Variants in VWA8 observed in about 807,000 individuals in gnomAD.
VWA8 encodes the protein von Willebrand factor A domain containing 8, also known as von Willebrand factor A domain-containing protein 8.
VWA8 carries 221 observed loss-of-function variants against 241.5 expected under a neutral mutation model. The observed-to-expected ratio is 0.91, with a 90% CI of 0.82 to 1.02. The LOEUF is 1.02. VWA8 is among the 50% of genes least tolerant of loss of function. VWA8 has a pLI of 0.00. For missense variants in VWA8, 2,322 were observed against 2,328.7 expected (o/e 1.00, Z 0.06); for synonymous variants, 852 against 827.1 (o/e 1.03, Z -0.52).
intron 4 of VWA8, among the ~76,000 whole-genome samples, chr13:41,895,520 T>C (rs1321928216): frequency 6.6e-6 from 1 of 152,148 alleles, no homozygotes; most frequent in African/African-American, 2.4e-5. Flanking sequence ...GCATACATGG[T>C]CATACAGCAG....
At chr13:41,749,988 C>T (rs979471484) in intron 21 of VWA8, among the ~76,000 whole-genome samples, 5 of 151,582 alleles carry the variant, frequency 3.3e-5, no homozygotes, top group South Asian at 2.1e-4. Context: ...CAAACCTGCG[C>T]GTTGTGCACA....
At chr13:41,932,060 G>A (rs568939932) in intron 2 of VWA8, among the ~76,000 whole-genome samples, 1 of 152,054 alleles carries the variant, frequency 6.6e-6, no homozygotes, top group Non-Finnish European at 1.5e-5. Context: ...CAAACCTCTG[G>A]TCAGACTATT....
intron 37 of VWA8, among the ~76,000 whole-genome samples, chr13:41,640,462 C>T (rs1044077049): frequency 1.3e-5 from 2 of 150,658 alleles, no homozygotes; most frequent in Non-Finnish European, 2.9e-5. Context: ...ATGTTTTAAG[C>T]CTCAAAGATG....
rs148151243 is a variant in VWA8 at position 41,798,548 on chromosome 13, C to T, written c.2064-11005G>A. Among the ~76,000 whole-genome samples, 55 of 152,206 alleles carry T rather than the reference C, an allele frequency of 3.6e-4. No homozygotes were observed. In the East Asian group the frequency reaches 9.8e-3, roughly 27 times the overall value. On this transcript the variant is annotated intron_variant, in intron 17 of 44. Transcript: ENST00000379310. ...ATATTTTTTCTCTTGTATCTTTTTC[C>T]GTTATAAGTTTTTCTCTTTGTCTTT...
At chr13:41,875,450 T>C (rs1345082738) in intron 9 of VWA8, among the ~76,000 whole-genome samples, 1 of 152,064 alleles carries the variant, frequency 6.6e-6, no homozygotes, top group East Asian at 1.9e-4. Flanking sequence ...TTAAGTGATC[T>C]ATCATCTTTT....
intron 1 of VWA8, 95 bp downstream of exon 1, chr13:41,960,758 C>A: frequency 2.8e-6 from 4 of 1,404,740 alleles, no homozygotes; most frequent in Non-Finnish European, 3.7e-6. Context: ...TCCTTCCAAG[C>A]GCAGCGAAGC....
intron 37 of VWA8, among the ~76,000 whole-genome samples, chr13:41,636,329 G>A (rs1399246058): frequency 6.6e-6 from 1 of 152,164 alleles, no homozygotes; most frequent in Non-Finnish European, 1.5e-5. Context: ...AATGGGGAAA[G>A]GATTCCCTAT....
intron 2 of VWA8, chr13:41,926,621 C>A (rs887116410): frequency 2.7e-5 from 15 of 545,748 alleles, no homozygotes; most frequent in Non-Finnish European, 4.5e-5. Context: ...TGCAGACTAC[C>A]ACAATCTCTT....
At chr13:41,805,382 A>C (rs956133301) in intron 17 of VWA8, among the ~76,000 whole-genome samples, 1 of 152,242 alleles carries the variant, frequency 6.6e-6, no homozygotes, top group Non-Finnish European at 1.5e-5. Flanking sequence ...AATTTTAAAT[A>C]TATATGCACC....
chr13:41,768,720 A>G (rs2045796775), intron 20 of VWA8, among the ~76,000 whole-genome samples: 1 of 152,150 alleles, frequency 6.6e-6, no homozygotes. Context: ...AAGTTCATCA[A>G]TATTGGTATA....
chr13:41,891,768 C>A lies in VWA8; in HGVS notation c.484-181G>T, dbSNP rs543432424. Among the ~76,000 whole-genome samples, 4 of 152,198 alleles carry A rather than the reference C, an allele frequency of 2.6e-5. No individual in the cohort carries two copies. In the East Asian group the frequency reaches 7.7e-4, roughly 29 times the overall value. On this transcript the variant is annotated intron_variant, in intron 4 of 44. Coordinates refer to ENST00000379310, the MANE Select transcript of VWA8 (RefSeq NM_015058.2). ...TATGATCTTAGGAAAGTGATTTTAC[C>A]TCTTTGGGCCTGTTTATTCGTTTGT...
chr13:41,658,665 C>CTA (rs774023507), intron 37 of VWA8, among the ~76,000 whole-genome samples: 2 of 152,250 alleles, frequency 1.3e-5, no homozygotes, highest in Non-Finnish European at 2.9e-5. Flanking sequence ...CACACCTGGT[C>CTA]ATTACCTCAG....
intron 2 of VWA8, among the ~76,000 whole-genome samples, chr13:41,914,518 C>T (rs1197963589): frequency 6.6e-6 from 1 of 152,134 alleles, no homozygotes; most frequent in African/African-American, 2.4e-5. Context: ...ACAAGTCAGC[C>T]TCCTTGCTGT....
At chr13:41,681,286 A>G (rs1593693682) in intron 35 of VWA8, among the ~76,000 whole-genome samples, 1 of 152,118 alleles carries the variant, frequency 6.6e-6, no homozygotes, top group Non-Finnish European at 1.5e-5. Flanking sequence ...GTTGAGCCCC[A>G]TCTCTTTCCC....
At chr13:41,694,587 T>G (rs2045202717) in intron 29 of VWA8, among the ~76,000 whole-genome samples, 1 of 152,102 alleles carries the variant, frequency 6.6e-6, no homozygotes, top group Admixed American at 6.6e-5. Context: ...TTATAATCTC[T>G]ATTCTAGATT....
intron 12 of VWA8, among the ~76,000 whole-genome samples, chr13:41,862,494 C>A (rs1325690211): frequency 6.6e-6 from 1 of 152,114 alleles, no homozygotes; most frequent in African/African-American, 2.4e-5. Flanking sequence ...GAGCTATCAG[C>A]AAAGTAAGCA....
chr13:41,690,800 AGGG>A (rs2045171531), intron 32 of VWA8, among the ~76,000 whole-genome samples: 1 of 152,164 alleles, frequency 6.6e-6, no homozygotes, highest in Admixed American at 6.6e-5. Flanking sequence ...GTTGTGCATG[AGGG>A]AAGGTGCTCA....
At chr13:41,817,386 G>A (rs758085014) in intron 15 of VWA8, among the ~76,000 whole-genome samples, 21 of 152,020 alleles carry the variant, frequency 1.4e-4, no homozygotes, top group Non-Finnish European at 2.8e-4. Context: ...CTTCAATTAA[G>A]TACTTAATTA....
At chr13:41,627,598 T>C (rs2044700401) in intron 37 of VWA8, among the ~76,000 whole-genome samples, 1 of 152,168 alleles carries the variant, frequency 6.6e-6, no homozygotes, top group Non-Finnish European at 1.5e-5. Flanking sequence ...TTCGGGAGCT[T>C]GAACTTTGGG....
Sources: gnomAD v4.1 joint callset for allele counts (sites outside exome capture counted in the v4.1 genomes callset) on GRCh38, gnomAD v4.1.1 for gene constraint, MANE v1.5 for transcripts, NCBI Gene and HGNC (gene_info 2026-07-23, HGNC 2026-07-21) for gene names.